TBCD: variants seen among roughly 807,000 people sequenced by gnomAD.
TBCD encodes tubulin-specific chaperone D.
Under a neutral mutation model 169.3 loss-of-function variants are expected in TBCD, and 105 were observed. The ratio of observed to expected loss-of-function variants is 0.62; its 90% CI spans 0.53 to 0.73. TBCD has a LOEUF of 0.73. Ranked by LOEUF, TBCD falls within the 30% of genes least tolerant of loss-of-function variation. TBCD has a pLI of 0.00. For missense variants in TBCD, 1,444 were observed against 1,600.1 expected, an observed-to-expected ratio of 0.90 and a Z score of 1.66; for synonymous variants, 700 against 643.9, an observed-to-expected ratio of 1.09 and a Z score of -1.32.
intron 37 of TBCD, among the ~76,000 whole-genome samples, chr17:82,941,196 G>A (rs939080415): frequency 6.6e-6 from 1 of 152,252 alleles, no homozygotes; most frequent in Non-Finnish European, 1.5e-5. Flanking sequence ...GTCCTCCTGC[G>A]ATTCCGGAAA....
At chr17:82,823,844 A>T (rs1440196735) in intron 13 of TBCD, among the ~76,000 whole-genome samples, 1 of 152,156 alleles carries the variant, frequency 6.6e-6, no homozygotes, top group East Asian at 1.9e-4. Context: ...AGTGGCATTA[A>T]TTACACTCTC....
intron 10 of TBCD, 84 bp from the exon 11 acceptor site, chr17:82,807,524 A>G: frequency 2.1e-6 from 2 of 967,426 alleles, no homozygotes; most frequent in Non-Finnish European, 2.8e-6. Flanking sequence ...TGCACTGAGT[A>G]GCGTACAGGA....
intron 37 of TBCD, among the ~76,000 whole-genome samples, chr17:82,940,197 ACACACATG>A (rs1400896351): frequency 3.7e-5 from 5 of 136,438 alleles, no homozygotes; most frequent in Admixed American, 7.4e-5. Flanking sequence ...ATGCTGGCTC[ACACACATG>A]CTCACTTGCA....
At chr17:82,911,475 C>T (rs981711768) in intron 22 of TBCD, among the ~76,000 whole-genome samples, 6 of 152,136 alleles carry the variant, frequency 3.9e-5, no homozygotes, top group African/African-American at 7.2e-5. Flanking sequence ...AAGAGCTGAG[C>T]GCTGCTTGGA....
At chr17:82,848,174 C>T (rs971441810) in intron 13 of TBCD, among the ~76,000 whole-genome samples, 2 of 152,208 alleles carry the variant, frequency 1.3e-5, no homozygotes, top group Non-Finnish European at 2.9e-5. Context: ...TCCCCGGCTC[C>T]TCCCTTCCAA....
chr17:82,808,776 G>C (rs1163046521), intron 11 of TBCD, among the ~76,000 whole-genome samples: 1 of 145,406 alleles, frequency 6.9e-6, no homozygotes, highest in Non-Finnish European at 1.5e-5. Context: ...TGGAGGGGAC[G>C]AGGCAGGTGG....
chr17:82,867,096 G>C (rs2057225567), intron 13 of TBCD, among the ~76,000 whole-genome samples: 1 of 152,212 alleles, frequency 6.6e-6, no homozygotes, highest in Non-Finnish European at 1.5e-5. Context: ...ACACGGACTT[G>C]GGGACAGAAA....
intron 6 of TBCD, 34 bp from the exon 7 acceptor site, chr17:82,781,555 C>T: frequency 6.8e-6 from 11 of 1,611,652 alleles, no homozygotes; most frequent in Non-Finnish European, 9.3e-6. Flanking sequence ...GGTCTCAGTG[C>T]TGAGGCCTTG....
At chr17:82,868,976 G>A (rs956207996) in intron 13 of TBCD, among the ~76,000 whole-genome samples, 8 of 152,156 alleles carry the variant, frequency 5.3e-5, no homozygotes, top group South Asian at 2.1e-4. Context: ...AGCCCCGAAC[G>A]AGACCCTGGC....
At position 82,782,051 on chromosome 17, in the gene TBCD, G is replaced by A. The variant is rs746654040; in HGVS notation, c.771+330G>A. Among the ~76,000 whole-genome samples the A allele has an allele frequency of 6.6e-6, 1 of 152,202 alleles. No homozygotes were observed. ...TCCTGTTTAAGTGCAGAGACTGAAC[G>A]AGCTCTAATAAAACAAGGTGGGTGA... is the stretch of plus-strand genomic sequence containing the variant. On this transcript the variant is annotated intron_variant, in intron 7 of 38. Transcript: ENST00000355528. The surrounding 1 kb of genome is among the most constrained non-coding windows in gnomAD (Gnocchi z 5.1).
chr17:82,837,004 G>A (rs1032229585), intron 13 of TBCD, among the ~76,000 whole-genome samples: 1 of 152,208 alleles, frequency 6.6e-6, no homozygotes, highest in Non-Finnish European at 1.5e-5. Flanking sequence ...TCGGGCAGTG[G>A]TTTTAGTAAC....
Position 82,831,785 on chromosome 17 carries a change from A to G in TBCD, c.1318+16851A>G, listed in dbSNP as rs765995448. On this transcript the variant is annotated intron_variant, in intron 13 of 38. Transcript: ENST00000355528. The surrounding 1 kb of genome is among the most constrained non-coding windows in gnomAD (Gnocchi z 4.6). ...GAAATGGCCCCAAGCCCCTTTGTAG[A>G]TGAGATTTTATGTGGAAACTCTGGT... is the stretch of plus-strand genomic sequence containing the variant. 2 of 1,614,040 alleles carry G rather than the reference A, an allele frequency of 1.2e-6. No individual in the cohort carries two copies. The highest frequency in any genetic ancestry group is 1.7e-6 in the Non-Finnish European group (2 of 1,180,000).
intron 5 of TBCD, among the ~76,000 whole-genome samples, chr17:82,769,533 G>A (rs143093967): frequency 2.6e-5 from 4 of 152,288 alleles, no homozygotes; most frequent in East Asian, 3.9e-4. Flanking sequence ...GCCTGGCACC[G>A]TTCAAACACT....
chr17:82,779,510 C>T (rs751700643), intron 6 of TBCD, among the ~76,000 whole-genome samples: 2 of 152,142 alleles, frequency 1.3e-5, no homozygotes, highest in Admixed American at 6.5e-5. Context: ...GGGACAGTGG[C>T]GGAGGGGAGA....
intron 14 of TBCD, among the ~76,000 whole-genome samples, chr17:82,876,125 C>T (rs2057953461): frequency 6.6e-6 from 1 of 152,102 alleles, no homozygotes; most frequent in African/African-American, 2.4e-5. Context: ...AAAACTTGAG[C>T]TGGGGTGAGG....
chr17:82,765,900 C>CG (rs2047994816), intron 3 of TBCD, among the ~76,000 whole-genome samples: 1 of 152,136 alleles, frequency 6.6e-6, no homozygotes, highest in Non-Finnish European at 1.5e-5. Context: ...ACTGCAGCCT[C>CG]GAACTCTTGG....
chr17:82,867,713 T>C (rs1293468859), intron 13 of TBCD, among the ~76,000 whole-genome samples: 3 of 152,244 alleles, frequency 2.0e-5, no homozygotes, highest in Non-Finnish European at 2.9e-5. Context: ...AGCCGCCTTC[T>C]TGTTTGGTTT....
Position 82,927,203 on chromosome 17 carries a change from G to T in TBCD, c.2489G>T (p.Gly830Val). ...AATTTCAGGATTTGCCAGACTGTTG[G>T]TGTGAAAGCAGGAGCCCCAGACGAA... ...KAIARICQTV[G>V]VKAGAPDEAV... Residue 830 changes from glycine to valine, a missense_variant, in exon 29 of 39, where the codon GGT becomes GTT. Coordinates refer to ENST00000355528, the MANE Select transcript of TBCD (RefSeq NM_005993.5). The T allele has an allele frequency of 6.2e-7, 1 of 1,614,030 alleles. No individual in the cohort carries two copies. Among genetic ancestry groups the T allele is most frequent in the Non-Finnish European group, 8.5e-7 (1 of 1,179,898 alleles).
chr17:82,820,648 C>T (rs769791334), intron 13 of TBCD, among the ~76,000 whole-genome samples: 1 of 152,104 alleles, frequency 6.6e-6, no homozygotes, highest in Non-Finnish European at 1.5e-5. Flanking sequence ...AGGTTTTGCA[C>T]TCATTTCAGC....
Sources: allele counts gnomAD v4.1 joint callset (sites outside exome capture counted in the v4.1 genomes callset), GRCh38; gene constraint gnomAD v4.1.1; non-coding constraint Gnocchi (gnomAD v3.1); transcripts MANE v1.5; gene names NCBI Gene and HGNC (gene_info 2026-07-23, HGNC 2026-07-21).